The following DCP1A variants were observed in gnomAD, a reference collection of about 807,000 sequenced individuals.
DCP1A encodes the protein mRNA-decapping enzyme 1A.
A neutral mutation model predicts 58.0 loss-of-function variants in DCP1A; 20 were observed. The ratio of observed to expected loss-of-function variants is 0.34; its 90% CI spans 0.24 to 0.50. The LOEUF is 0.50. Ranked by LOEUF, DCP1A falls within the 20% of genes least tolerant of loss-of-function variation. DCP1A has a pLI of 0.98. For missense variants in DCP1A, 613 were observed against 712.2 expected (o/e 0.86, Z 1.59); for synonymous variants, 285 against 275.1 (o/e 1.04, Z -0.36).
chr3:53,311,571 T>G (rs573428913), intron 5 of DCP1A, among the ~76,000 whole-genome samples: 1 of 152,322 alleles, frequency 6.6e-6, no homozygotes, highest in East Asian at 1.9e-4. Context: ...AAGAAAACAG[T>G]GAATTTCAGA....
chr3:53,323,088 T>C (rs1205562057), intron 3 of DCP1A, among the ~76,000 whole-genome samples: 1 of 152,124 alleles, frequency 6.6e-6, no homozygotes, highest in Non-Finnish European at 1.5e-5. Flanking sequence ...CCTCCCAAAG[T>C]GCTGGGATTA....
In DCP1A at chr3:53,290,749, T is replaced by TAA. The variant is rs61290855; in HGVS notation, c.1449+40_1449+41dup. The TAA allele has an allele frequency of 3.7e-3, 2,533 of 682,270 alleles. 13 individuals carry two copies. The highest frequency in any genetic ancestry group is 0.011 in the East Asian group (263 of 23,248). The allele number at this position is 682,270 out of a possible 1,614,324, so 42.3% of individuals were successfully genotyped here. On this transcript the variant is annotated intron_variant, in intron 8 of 9. Coordinates refer to ENST00000610213, the MANE Select transcript of DCP1A (RefSeq NM_018403.7). The stretch of plus-strand genomic sequence containing the variant: ...TCTCACTATGGCACCCGACTAGTCT[T>TAA]AAAAAAAAAAAAAAAAAAAAAAAAA...
At chr3:53,304,874 T>C (rs1707423519) in intron 5 of DCP1A, among the ~76,000 whole-genome samples, 1 of 152,156 alleles carries the variant, frequency 6.6e-6, no homozygotes. Flanking sequence ...TGAGCCACTG[T>C]GCCCAGCCTG....
intron 3 of DCP1A, among the ~76,000 whole-genome samples, chr3:53,331,141 G>C (rs2088992290): frequency 1.3e-5 from 2 of 152,314 alleles, no homozygotes; most frequent in Admixed American, 1.3e-4. Context: ...ATAGGCATGA[G>C]TCACTGCGCC....
chr3:53,288,298 T>C lies in DCP1A; in HGVS notation c.1450-15A>G. The C allele has an allele frequency of 6.3e-7, 1 of 1,590,430 alleles. No individual in the cohort carries two copies. Among genetic ancestry groups the C allele is most frequent in the Non-Finnish European group, 8.6e-7 (1 of 1,168,132 alleles). On this transcript the variant is annotated splice_polypyrimidine_tract_variant and intron_variant, in intron 8 of 9. Transcript: ENST00000610213. Reference sequence around the variant, plus strand: ...GCGCCTGCAACCTGGAGAGTGACAATGGTCATTTTGTACCGAAGTGCAGAA... The same window carrying C: ...GCGCCTGCAACCTGGAGAGTGACAACGGTCATTTTGTACCGAAGTGCAGAA...
At chr3:53,294,851 G>A (rs1287881562) in intron 6 of DCP1A, among the ~76,000 whole-genome samples, 10 of 152,322 alleles carry the variant, frequency 6.6e-5, no homozygotes, top group South Asian at 2.1e-4. Flanking sequence ...CATGGAAAGC[G>A]AATTTGCCAA....
intron 4 of DCP1A, 145 bp from the exon 5 acceptor site, chr3:53,312,524 C>T (rs1384303937): frequency 2.7e-5 from 21 of 765,162 alleles, no homozygotes; most frequent in Non-Finnish European, 3.8e-5. Context: ...GAGATGGAGT[C>T]TCGCACTGTC....
intron 6 of DCP1A, among the ~76,000 whole-genome samples, chr3:53,299,798 A>G (rs1553687205): frequency 6.6e-6 from 1 of 152,230 alleles, no homozygotes; most frequent in African/African-American, 2.4e-5. Flanking sequence ...ACTTTAGTCA[A>G]TCACATGACT....
rs569103562 is a variant in DCP1A at position 53,292,498 on chromosome 3, G to A, written c.954C>T (p.Leu318=). ...GAGCTTCAGCTGGCAGAGTGGGACT[G>A]AGAACAGGGCTCAACGGGATTGTGT... ...PTYTIPLSPV[L]SPTLPAEAPT... The change falls in exon 7 of 10, where the codon CTC becomes CTT. Residue 318 remains leucine, a synonymous_variant. Transcript: ENST00000610213. 6.2e-7 allele frequency: 1 copy of A among 1,614,018 alleles called. No homozygotes were observed. The highest frequency in any genetic ancestry group is 1.7e-5 in the Admixed American group (1 of 60,028).
chr3:53,292,130 G>C lies in DCP1A; in HGVS notation c.1322C>G (p.Thr441Arg). 1 of 1,613,852 alleles carries C rather than the reference G, an allele frequency of 6.2e-7. No individual in the cohort carries two copies. The highest frequency in any genetic ancestry group is 8.5e-7 in the Non-Finnish European group (1 of 1,179,888). Reference sequence around the variant, plus strand: ...TGAGGCCGCCACTCTTGCTGCTGCTGTCTTAGAGGGAGGCTCTATGAAGCT... The same window carrying C: ...TGAGGCCGCCACTCTTGCTGCTGCTCTCTTAGAGGGAGGCTCTATGAAGCT... ...PESFIEPPSK[T>R]AAARVAASAS... is the part of the protein sequence containing the mutation. Residue 441 changes from threonine (T) to arginine (R), a missense_variant, in exon 7 of 10, where the codon ACA (threonine) becomes AGA (arginine). Coordinates refer to ENST00000610213, the MANE Select transcript of DCP1A (RefSeq NM_018403.7).
At chr3:53,289,093 T>A (rs1169444549) in intron 8 of DCP1A, among the ~76,000 whole-genome samples, 1 of 151,316 alleles carries the variant, frequency 6.6e-6, no homozygotes, top group African/African-American at 2.4e-5. Flanking sequence ...TCACTGCAGC[T>A]TCAACTTCCT....
intron 8 of DCP1A, among the ~76,000 whole-genome samples, chr3:53,289,172 G>C (rs782747822): frequency 3.3e-5 from 5 of 151,266 alleles, no homozygotes; most frequent in Admixed American, 6.6e-5. Flanking sequence ...TGTTGCCCAG[G>C]ATGGTCTTGA....
chr3:53,314,667 C>CTTTTTTTTT lies in DCP1A; in HGVS notation c.372-2297_372-2289dup, dbSNP rs1167830951. 8.2e-3 allele frequency among the ~76,000 whole-genome samples: 708 copies of CTTTTTTTTT among 86,696 alleles called. 4 individuals are homozygous for CTTTTTTTTT. The highest frequency in any genetic ancestry group is 0.011 in the Non-Finnish European group (494 of 46,788). 56.9% of individuals were successfully genotyped at this position (86,696 alleles called of 152,430 possible). A position where few individuals can be genotyped will look rare whatever the true frequency, so the allele number is the denominator to read the frequency against. On this transcript the variant is annotated intron_variant, in intron 4 of 9. Coordinates refer to ENST00000610213, the MANE Select transcript of DCP1A (RefSeq NM_018403.7). Reference sequence around the variant, plus strand: ...AGAGAAGAATATTTCTTTTCTTTTTCTTTTTTTTTTTTTTTTTTTTTTGAG... The same window carrying CTTTTTTTTT: ...AGAGAAGAATATTTCTTTTCTTTTTCTTTTTTTTTTTTTTTTTTTTTTTTTTTTTTTGAG...
In DCP1A at chr3:53,314,825, T is replaced by C. The variant is rs148249184; in HGVS notation, c.372-2446A>G. Among the ~76,000 whole-genome samples the C allele has an allele frequency of 9.9e-3, 1,508 of 151,828 alleles. 21 individuals are homozygous for C. The highest frequency in any genetic ancestry group is 0.034 in the African/African-American group (1,391 of 41,398). On this transcript the variant is annotated intron_variant, in intron 4 of 9. Transcript: ENST00000610213. ...TAGCTGGGATTACAGGTATGCACTA[T>C]CATGCCCGGCTAATTTTTGTATTTT...
At chr3:53,344,046 T>C (rs1336295000) in intron 2 of DCP1A, among the ~76,000 whole-genome samples, 1 of 152,104 alleles carries the variant, frequency 6.6e-6, no homozygotes, top group Non-Finnish European at 1.5e-5. Flanking sequence ...AGACGAGATC[T>C]CAAAGCTTTG....
chr3:53,293,725 A>C (rs1707012272), intron 6 of DCP1A, among the ~76,000 whole-genome samples: 2 of 152,216 alleles, frequency 1.3e-5, no homozygotes, highest in Non-Finnish European at 2.9e-5. Flanking sequence ...TAAGGCCCCA[A>C]AGTACACTGC....
intron 3 of DCP1A, among the ~76,000 whole-genome samples, chr3:53,337,086 G>A (rs556265256): frequency 5.3e-5 from 8 of 152,170 alleles, no homozygotes; most frequent in Admixed American, 1.3e-4. Context: ...TGGCCAGGCT[G>A]GTCTTGAACT....
chr3:53,333,874 C>T (rs539706190), intron 3 of DCP1A, among the ~76,000 whole-genome samples: 2 of 152,274 alleles, frequency 1.3e-5, no homozygotes, highest in East Asian at 1.9e-4. Context: ...CACACAGAGA[C>T]ACCAGCCTTT....
chr3:53,302,842 C>T (rs1445167215), intron 6 of DCP1A, among the ~76,000 whole-genome samples: 4 of 152,228 alleles, frequency 2.6e-5, no homozygotes, highest in Non-Finnish European at 2.9e-5. Context: ...AGGCTGGTCT[C>T]GAACTCCTGA....
Sources: gnomAD v4.1 joint callset for allele counts (sites outside exome capture counted in the v4.1 genomes callset) on GRCh38, gnomAD v4.1.1 for gene constraint, MANE v1.5 for transcripts, NCBI Gene and HGNC (gene_info 2026-07-23, HGNC 2026-07-21) for gene names.